MNAT1: variants seen among roughly 807,000 people sequenced by gnomAD.
MNAT1 encodes MNAT1 component of CDK activating kinase, also known as CDK-activating kinase assembly factor MAT1.
In MNAT1, 43 loss-of-function variants were observed where a neutral mutation model predicts 42.0. That is an observed-to-expected ratio of 1.02 (90% CI 0.80 to 1.32). MNAT1 has a LOEUF of 1.32. MNAT1 is among the 40% of genes most tolerant of loss of function. The probability of loss-of-function intolerance (pLI) is 0.00; values close to 1 mark genes in which losing one functional copy is unlikely to be tolerated. For synonymous variants in MNAT1, 118 were observed against 120.0 expected, an observed-to-expected ratio of 0.98 and a Z score of 0.11; for missense variants, 306 against 350.4, an observed-to-expected ratio of 0.87 and a Z score of 1.01.
At chr14:60,824,170 T>C (rs147004158) in intron 6 of MNAT1, among the ~76,000 whole-genome samples, 86 of 152,050 alleles carry the variant, frequency 5.7e-4, no homozygotes, top group African/African-American at 2.0e-3. Context: ...AAAAAAATAA[T>C]AAATCACCAT....
At chr14:60,871,165 C>T (rs544491856) in intron 6 of MNAT1, among the ~76,000 whole-genome samples, 2 of 152,292 alleles carry the variant, frequency 1.3e-5, no homozygotes, top group South Asian at 2.1e-4. Context: ...GAATGTACCA[C>T]CCCATTTTAT....
intron 7 of MNAT1, among the ~76,000 whole-genome samples, chr14:60,931,467 C>T (rs930452434): frequency 1.3e-5 from 2 of 152,120 alleles, no homozygotes; most frequent in Non-Finnish European, 2.9e-5. Flanking sequence ...GTGCAGCTGC[C>T]GCTTCCTTCT....
At chr14:60,952,303 T>C (rs1178707903) in intron 7 of MNAT1, among the ~76,000 whole-genome samples, 1 of 152,176 alleles carries the variant, frequency 6.6e-6, no homozygotes, top group African/African-American at 2.4e-5. Flanking sequence ...TCATGCTACA[T>C]ATAGCAGGAA....
chr14:60,832,664 T>G (rs1280324688), intron 6 of MNAT1, among the ~76,000 whole-genome samples: 7 of 150,454 alleles, frequency 4.7e-5, no homozygotes, highest in Admixed American at 4.6e-4. Flanking sequence ...TATACAGACT[T>G]TTTTTTTTGG....
chr14:60,844,991 A>G (rs1348795187), intron 6 of MNAT1, among the ~76,000 whole-genome samples: 1 of 152,000 alleles, frequency 6.6e-6, no homozygotes, highest in East Asian at 1.9e-4. Flanking sequence ...TGTGAATTCA[A>G]TTTGATAATA....
At chr14:60,825,664 C>T (rs972955739) in intron 6 of MNAT1, among the ~76,000 whole-genome samples, 3 of 152,080 alleles carry the variant, frequency 2.0e-5, no homozygotes, top group East Asian at 1.9e-4. Context: ...GGTTAGGTCA[C>T]ATTTAAAAGA....
At chr14:60,890,164 C>T (rs10147575) in intron 7 of MNAT1, among the ~76,000 whole-genome samples, 4 of 152,076 alleles carry the variant, frequency 2.6e-5, no homozygotes, top group African/African-American at 4.8e-5. Flanking sequence ...ATGTTTATTG[C>T]GGCACTATTC....
intron 6 of MNAT1, among the ~76,000 whole-genome samples, chr14:60,847,336 G>A (rs1179954977): frequency 4.0e-5 from 6 of 151,512 alleles, no homozygotes; most frequent in South Asian, 2.1e-4. Flanking sequence ...CCCAGGAGGC[G>A]GAGGTTGCAG....
chr14:60,944,833 T>C (rs534211311), intron 7 of MNAT1, among the ~76,000 whole-genome samples: 1 of 152,322 alleles, frequency 6.6e-6, no homozygotes, highest in East Asian at 1.9e-4. Context: ...TAATTTTTAT[T>C]CCATTTTATT....
At chr14:60,839,963 G>A (rs1479181552) in intron 6 of MNAT1, among the ~76,000 whole-genome samples, 1 of 152,266 alleles carries the variant, frequency 6.6e-6, no homozygotes, top group Non-Finnish European at 1.5e-5. Context: ...ATCAGGCCGA[G>A]GGGGTGGAAT....
intron 6 of MNAT1, among the ~76,000 whole-genome samples, chr14:60,846,427 C>G (rs1328305498): frequency 2.0e-5 from 3 of 151,816 alleles, no homozygotes; most frequent in Non-Finnish European, 4.4e-5. Flanking sequence ...CATTGATCTC[C>G]ATTCTAATAT....
At chr14:60,742,320 T>G (rs1032610447) in intron 1 of MNAT1, among the ~76,000 whole-genome samples, 2 of 152,104 alleles carry the variant, frequency 1.3e-5, no homozygotes, top group Non-Finnish European at 2.9e-5. Context: ...ACTCCTGGCC[T>G]CAAGTGATCT....
intron 6 of MNAT1, among the ~76,000 whole-genome samples, chr14:60,828,120 T>C (rs2033105500): frequency 6.6e-6 from 1 of 152,332 alleles, no homozygotes; most frequent in South Asian, 2.1e-4. Flanking sequence ...CAGGTCGTCC[T>C]TATTATATTA....
chr14:60,817,872 C>T (rs1042223589), intron 5 of MNAT1, among the ~76,000 whole-genome samples: 1 of 151,764 alleles, frequency 6.6e-6, no homozygotes, highest in Non-Finnish European at 1.5e-5. Context: ...CTCAATCTCT[C>T]TCTCTGCTTG....
chr14:60,914,119 C>G (rs560662210), intron 7 of MNAT1, among the ~76,000 whole-genome samples: 1 of 152,192 alleles, frequency 6.6e-6, no homozygotes, highest in Admixed American at 6.5e-5. Context: ...TAGGACCCTC[C>G]GAGCCTGGTG....
chr14:60,844,931 T>C (rs1037585362), intron 6 of MNAT1, among the ~76,000 whole-genome samples: 4 of 152,112 alleles, frequency 2.6e-5, no homozygotes, highest in Non-Finnish European at 5.9e-5. Flanking sequence ...GATTCATTTT[T>C]ATATATTAAC....
At chr14:60,946,164 T>C (rs1192971813) in intron 7 of MNAT1, among the ~76,000 whole-genome samples, 1 of 152,176 alleles carries the variant, frequency 6.6e-6, no homozygotes, top group Non-Finnish European at 1.5e-5. Flanking sequence ...TTCTCTGTGT[T>C]GAAATATTTC....
intron 7 of MNAT1, among the ~76,000 whole-genome samples, chr14:60,964,911 A>G (rs1257281304): frequency 6.6e-6 from 1 of 152,222 alleles, no homozygotes; most frequent in Non-Finnish European, 1.5e-5. Flanking sequence ...TACAATAATT[A>G]AAGGTTTTAA....
At chr14:60,860,354 CTTTT>C (rs11409940) in intron 6 of MNAT1, among the ~76,000 whole-genome samples, 3 of 128,674 alleles carry the variant, frequency 2.3e-5, no homozygotes, top group Non-Finnish European at 3.1e-5. Context: ...TTTTTCTTTT[CTTTT>C]TTTTTTTTTT....
Sources: allele counts gnomAD v4.1 joint callset (sites outside exome capture counted in the v4.1 genomes callset), GRCh38; gene constraint gnomAD v4.1.1; transcripts MANE v1.5; gene names NCBI Gene and HGNC (gene_info 2026-07-23, HGNC 2026-07-21).